Variants in SCHIP1 observed in about 807,000 individuals in gnomAD.
The protein encoded by SCHIP1 is schwannomin interacting protein 1.
Under a neutral mutation model 29.7 loss-of-function variants are expected in SCHIP1, and 8 were observed. That is an observed-to-expected ratio of 0.27 (90% CI 0.16 to 0.49). The LOEUF (loss-of-function observed/expected upper bound fraction) is 0.49. Ranked by LOEUF, SCHIP1 falls within the 20% of genes least tolerant of loss-of-function variation. SCHIP1 has a pLI of 0.99. For synonymous variants in SCHIP1, 76 were observed against 94.9 expected (o/e 0.80, Z 1.16); for missense variants, 193 against 294.6 (o/e 0.66, Z 2.52).
At chr3:159,557,730 C>T in the SCHIP1 span, among the ~76,000 whole-genome samples, 1 of 152,172 alleles carries the variant, frequency 6.6e-6, no homozygotes, top group Non-Finnish European at 1.5e-5. Context: ...CTTAAAATAG[C>T]CCCCTTAATA....
chr3:159,292,258 A>G, the SCHIP1 span, among the ~76,000 whole-genome samples: 7 of 152,258 alleles, frequency 4.6e-5, no homozygotes, highest in East Asian at 1.4e-3. Context: ...AGAGATGTAA[A>G]GTATAAGAAA....
At chr3:159,616,889 C>T in the SCHIP1 span, among the ~76,000 whole-genome samples, 23 of 152,006 alleles carry the variant, frequency 1.5e-4, no homozygotes, top group African/African-American at 5.1e-4. Context: ...CACATGTAGC[C>T]ATTTACATTT....
chr3:159,733,688 T>G, the SCHIP1 span, among the ~76,000 whole-genome samples: 1 of 152,186 alleles, frequency 6.6e-6, no homozygotes. Flanking sequence ...ATTCTTCTTA[T>G]TATTAACTAA....
chr3:159,666,634 AAATTT>A, the SCHIP1 span, among the ~76,000 whole-genome samples: 1 of 149,978 alleles, frequency 6.7e-6, no homozygotes, highest in East Asian at 1.9e-4. Flanking sequence ...CATTATGTTT[AAATTT>A]AATTAAGTCT....
chr3:159,815,913 A>C, the SCHIP1 span, among the ~76,000 whole-genome samples: 1 of 149,116 alleles, frequency 6.7e-6, no homozygotes, highest in Non-Finnish European at 1.5e-5. Context: ...CCTCAACCTC[A>C]ACATAGTCTC....
the SCHIP1 span, among the ~76,000 whole-genome samples, chr3:159,667,342 T>C: frequency 1.3e-5 from 2 of 152,218 alleles, no homozygotes; most frequent in African/African-American, 4.8e-5. Flanking sequence ...CCTTTGCTTT[T>C]CTTTAAAGCA....
rs140622961 is a variant in SCHIP1 at position 159,859,114 on chromosome 3, C to G, written c.31-7049C>G. ...CCACTACCAATTAAAAAGCACTTCT[C>G]AGGGGATAAAATAAGATTCAAGAAT... On this transcript the variant is annotated intron_variant, in intron 1 of 6. Transcript: ENST00000445224. 4.6e-3 allele frequency among the ~76,000 whole-genome samples: 705 copies of G among 152,298 alleles called. 1 individual carries two copies. Among genetic ancestry groups the G allele is most frequent in the South Asian group, 0.011 (52 of 4,820 alleles).
chr3:159,528,364 G>A, the SCHIP1 span, among the ~76,000 whole-genome samples: 6 of 152,186 alleles, frequency 3.9e-5, no homozygotes, highest in African/African-American at 1.4e-4. Flanking sequence ...TCCATGAAGG[G>A]AAAAGAGGAG....
the SCHIP1 span, among the ~76,000 whole-genome samples, chr3:159,392,830 TAATGGG>T: frequency 6.6e-6 from 1 of 152,194 alleles, no homozygotes; most frequent in African/African-American, 2.4e-5. Flanking sequence ...ATATACCCAG[TAATGGG>T]ATGGCTGGGT....
chr3:159,566,560 G>T, the SCHIP1 span, among the ~76,000 whole-genome samples: 1 of 152,148 alleles, frequency 6.6e-6, no homozygotes, highest in Non-Finnish European at 1.5e-5. Context: ...CAGAATAAAG[G>T]AGCAAGGAAG....
At chr3:159,715,615 C>T in the SCHIP1 span, among the ~76,000 whole-genome samples, 10 of 152,130 alleles carry the variant, frequency 6.6e-5, no homozygotes, top group African/African-American at 9.7e-5. Context: ...GCACAAGCTT[C>T]AGTAGCCAAT....
At chr3:159,839,621 T>A (rs1744013720), upstream of SCHIP1, among the ~76,000 whole-genome samples, 1 of 120,228 alleles carries the variant, frequency 8.3e-6, no homozygotes, top group Non-Finnish European at 1.7e-5. Context: ...ATCTTTAAGG[T>A]CTTTTTCTTT....
At chr3:159,626,185 TAGATAGATAG>T in the SCHIP1 span, among the ~76,000 whole-genome samples, 1 of 112,262 alleles carries the variant, frequency 8.9e-6, no homozygotes, top group Admixed American at 8.2e-5. Flanking sequence ...TCTATCTAGA[TAGATAGATAG>T]ATAGATAGAT....
the SCHIP1 span, among the ~76,000 whole-genome samples, chr3:159,585,391 C>T: frequency 1.3e-5 from 2 of 152,106 alleles, no homozygotes; most frequent in Admixed American, 6.6e-5. Context: ...ACAGGAGATT[C>T]GTTTCTTAGA....
chr3:159,510,342 C>A, the SCHIP1 span, among the ~76,000 whole-genome samples: 1 of 152,166 alleles, frequency 6.6e-6, no homozygotes, highest in Non-Finnish European at 1.5e-5. Context: ...GACTTCTCTG[C>A]ATTGGTTATT....
the SCHIP1 span, among the ~76,000 whole-genome samples, chr3:159,508,727 C>T: frequency 7.9e-5 from 12 of 152,110 alleles, no homozygotes; most frequent in Admixed American, 7.9e-4. Context: ...TGTTATGTAC[C>T]CAGTAGTCAT....
In SCHIP1 at chr3:159,842,997, CTTTCTTT is replaced by C. The variant is rs1461296497; in HGVS notation, c.30+2787_30+2793del. Among the ~76,000 whole-genome samples, 56 of 61,772 alleles carry C rather than the reference CTTTCTTT, an allele frequency of 9.1e-4. 6 individuals carry two copies. Among genetic ancestry groups the C allele is most frequent in the East Asian group, 5.3e-3 (13 of 2,434 alleles). 40.5% of individuals were successfully genotyped at this position (61,772 alleles called of 152,430 possible). A position where few individuals can be genotyped will look rare whatever the true frequency, so the allele number is the denominator to read the frequency against. On this transcript the variant is annotated intron_variant, in intron 1 of 6. Coordinates refer to ENST00000445224, the Ensembl canonical transcript of SCHIP1. ...GCTCTCCAGTTCTATCCCAATATTTCTTTCTTTTTTTTTTTTTTTTTTTTTTTTTTTT... is the reference window on the plus strand; with the variant it reads ...GCTCTCCAGTTCTATCCCAATATTTCTTTTTTTTTTTTTTTTTTTTTTTTT...
At chr3:159,432,698 C>T in the SCHIP1 span, among the ~76,000 whole-genome samples, 1 of 152,132 alleles carries the variant, frequency 6.6e-6, no homozygotes, top group Non-Finnish European at 1.5e-5. Context: ...ATATATAGTT[C>T]TGCATATACA....
the SCHIP1 span, among the ~76,000 whole-genome samples, chr3:159,322,224 A>C: frequency 2.0e-5 from 3 of 152,170 alleles, no homozygotes; most frequent in Admixed American, 2.0e-4. Context: ...CGTGTGGAAG[A>C]CACCATTTTG....
Sources: gnomAD v4.1 joint callset for allele counts (sites outside exome capture counted in the v4.1 genomes callset) on GRCh38, gnomAD v4.1.1 for gene constraint, MANE v1.5 for transcripts, NCBI Gene and HGNC (gene_info 2026-07-23, HGNC 2026-07-21) for gene names.